Variants in SNHG17 observed in about 807,000 individuals in gnomAD.
The protein encoded by SNHG17 is small nucleolar RNA host gene 17 (non-protein coding).
chr20:38,435,200 G>A, exon 1 of SNHG17: 1 of 1,232,070 alleles, frequency 8.1e-7, no homozygotes, highest in South Asian at 4.1e-5. Context: ...GACTCACCCG[G>A]CGCCCTGGCG....
intron 2 of SNHG17, among the ~76,000 whole-genome samples, chr20:38,432,594 G>A (rs1304997728): frequency 6.6e-6 from 1 of 152,146 alleles, no homozygotes; most frequent in Non-Finnish European, 1.5e-5. Flanking sequence ...ATGACCACTG[G>A]GCCAGTGGGA....
intron 2 of SNHG17, among the ~76,000 whole-genome samples, chr20:38,431,432 G>C (rs2084340173): frequency 6.6e-6 from 1 of 152,210 alleles, no homozygotes; most frequent in Admixed American, 6.5e-5. Flanking sequence ...GTTGAAATTG[G>C]AGACCAACGT....
chr20:38,426,207 A>G (rs943296325), intron 4 of SNHG17, among the ~76,000 whole-genome samples: 1 of 152,160 alleles, frequency 6.6e-6, no homozygotes, highest in Non-Finnish European at 1.5e-5. Context: ...AGGATGACTC[A>G]GAGCCCAAGG....
At chr20:38,423,605 C>A (rs2084196445) in intron 5 of SNHG17, among the ~76,000 whole-genome samples, 1 of 146,786 alleles carries the variant, frequency 6.8e-6, no homozygotes. Context: ...ATGGTAATTA[C>A]CATGGGCAGG....
intron 5 of SNHG17, among the ~76,000 whole-genome samples, chr20:38,424,183 T>TA (rs2084205518): frequency 3.1e-5 from 4 of 127,080 alleles, no homozygotes; most frequent in African/African-American, 1.4e-4. Context: ...AAAAAAAAAA[T>TA]TAAAAAAAAA....
Position 38,434,886 on chromosome 20 carries a change from G to A in SNHG17, n.186-260C>T, listed in dbSNP as rs140009601. On this transcript the variant is annotated intron_variant and non_coding_transcript_variant, in intron 1 of 8. Coordinates refer to ENST00000654008, the Ensembl canonical transcript of SNHG17. Reference sequence around the variant, plus strand: ...GGAGGCTTCCAATGCCAGGAGTCGGGGGCGGGCAGCTAAAGTCGCCGAGCC... The same window carrying A: ...GGAGGCTTCCAATGCCAGGAGTCGGAGGCGGGCAGCTAAAGTCGCCGAGCC... 1.9e-5 allele frequency: 23 copies of A among 1,214,858 alleles called. No individual in the cohort carries two copies. In the African/African-American group the frequency reaches 2.7e-4, roughly 14 times the overall value. 75.3% of individuals were successfully genotyped at this position (1,214,858 alleles called of 1,614,324 possible). A position where few individuals can be genotyped will look rare whatever the true frequency, so the allele number is the denominator to read the frequency against.
intron 5 of SNHG17, chr20:38,425,281 AC>A (rs1171603315): frequency 1.9e-6 from 1 of 519,192 alleles, no homozygotes; most frequent in Non-Finnish European, 3.8e-6. Context: ...CTCTCCCTGC[AC>A]TATCAATGAC....
At chr20:38,426,055 CAAAAAAAAA>C (rs3073133) in intron 4 of SNHG17, 3 of 83,148 alleles carry the variant, frequency 3.6e-5, no homozygotes, top group Non-Finnish European at 2.5e-5. Context: ...GACCCTGCCT[CAAAAAAAAA>C]AAAAAAAAAA....
At chr20:38,432,409 T>G (rs1439525558) in intron 2 of SNHG17, among the ~76,000 whole-genome samples, 1 of 152,190 alleles carries the variant, frequency 6.6e-6, no homozygotes, top group African/African-American at 2.4e-5. Flanking sequence ...AGGGCTATGA[T>G]GGGCAGGATG....
chr20:38,421,099 C>A (rs2084150039), intron 6 of SNHG17: 1 of 152,150 alleles, frequency 6.6e-6, no homozygotes, highest in Non-Finnish European at 1.5e-5. Context: ...AGGCTGAGAC[C>A]TAAGAGGGTA....
At chr20:38,423,815 CTA>C (rs2084199859) in intron 5 of SNHG17, among the ~76,000 whole-genome samples, 1 of 152,152 alleles carries the variant, frequency 6.6e-6, no homozygotes, top group African/African-American at 2.4e-5. Context: ...ACTGTGCTAT[CTA>C]TATCTGTCCC....
chr20:38,432,155 T>G, intron 2 of SNHG17: 1 of 985,466 alleles, frequency 1.0e-6, no homozygotes, highest in Non-Finnish European at 1.2e-6. Context: ...AGGAGAGTAC[T>G]GGCACAGAAG....
exon 5 of SNHG17, chr20:38,426,033 G>A (rs1349988196): frequency 6.9e-6 from 1 of 144,298 alleles, no homozygotes; most frequent in Non-Finnish European, 1.5e-5. Context: ...TCCAGCCTGG[G>A]TGACAGAATG....
intron 3 of SNHG17, chr20:38,429,674 G>C (rs749565182): frequency 2.0e-6 from 1 of 493,126 alleles, no homozygotes. Flanking sequence ...AGGAGGTGTG[G>C]GAAAGCTCCA....
intron 3 of SNHG17, chr20:38,429,461 A>T (rs2084303662): frequency 4.0e-6 from 1 of 247,746 alleles, no homozygotes; most frequent in Non-Finnish European, 7.9e-6. Flanking sequence ...AGAGGTGTGG[A>T]GGCAGAGAAA....
chr20:38,431,434 G>C (rs765057267), intron 2 of SNHG17, among the ~76,000 whole-genome samples: 53 of 152,232 alleles, frequency 3.5e-4, no homozygotes, highest in Admixed American at 1.4e-3. Context: ...TGAAATTGGA[G>C]ACCAACGTCA....
intron 3 of SNHG17, among the ~76,000 whole-genome samples, chr20:38,430,109 G>A (rs1436853385): frequency 3.9e-5 from 6 of 152,064 alleles, no homozygotes; most frequent in Non-Finnish European, 8.8e-5. Flanking sequence ...CTGAGGTCAG[G>A]AGCTTGAGAC....
chr20:38,432,668 T>C (rs1249991763), intron 2 of SNHG17, among the ~76,000 whole-genome samples: 1 of 152,192 alleles, frequency 6.6e-6, no homozygotes, highest in East Asian at 1.9e-4. Context: ...CATGCATCAA[T>C]GTGCTAAGCC....
intron 2 of SNHG17, among the ~76,000 whole-genome samples, chr20:38,431,542 CAGG>C (rs768882308): frequency 3.3e-5 from 5 of 152,208 alleles, no homozygotes; most frequent in African/African-American, 9.6e-5. Context: ...CTGCCCCAAC[CAGG>C]AGAAGTAAAG....
Sources: gnomAD v4.1 joint callset for allele counts (sites outside exome capture counted in the v4.1 genomes callset) on GRCh38, gnomAD v4.1.1 for gene constraint, MANE v1.5 for transcripts, NCBI Gene and HGNC (gene_info 2026-07-23, HGNC 2026-07-21) for gene names.